Variants in MMP19 observed in about 807,000 individuals in gnomAD.
The protein encoded by MMP19 is matrix metallopeptidase 19.
A neutral mutation model predicts 46.6 loss-of-function variants in MMP19; 47 were observed. The observed-to-expected ratio is 1.01, with a 90% CI of 0.80 to 1.29. The LOEUF (loss-of-function observed/expected upper bound fraction) is 1.29. MMP19 is among the 50% of genes most tolerant of loss of function. MMP19 has a pLI of 0.00. For synonymous variants in MMP19, 222 were observed against 248.5 expected, an observed-to-expected ratio of 0.89 and a Z score of 1.00; for missense variants, 589 against 643.5, an observed-to-expected ratio of 0.92 and a Z score of 0.92.
In MMP19 at chr12:55,837,838, C is replaced by A; in HGVS notation, c.1060+5G>T. 1.2e-6 allele frequency: 2 copies of A among 1,601,498 alleles called. No homozygotes were observed. Among genetic ancestry groups the A allele is most frequent in the Non-Finnish European group, 1.7e-6 (2 of 1,170,314 alleles). On this transcript the variant is annotated splice_donor_5th_base_variant and intron_variant, in intron 7 of 8. Transcript: ENST00000322569. ...CAAGTAAGACACTGTAACTAGCCTC[C>A]TTACCCTTAAAGAAGTGAATCCATT...
intron 4 of MMP19, chr12:55,840,054 G>T: frequency 3.1e-6 from 1 of 318,036 alleles, no homozygotes; most frequent in South Asian, 5.0e-5. Flanking sequence ...AGCCAGGGGT[G>T]ATGGCTCACA....
rs761774905 is a variant in MMP19 at position 55,839,766 on chromosome 12, G to A, written c.521-25C>T. On this transcript the variant is annotated intron_variant, in intron 4 of 8. Coordinates refer to ENST00000322569, the MANE Select transcript of MMP19 (RefSeq NM_002429.6). ...CCTGGACAAAGGCAAAGGTGAACAGGAAGGAGGTCAGAGCCCGCTAGGCTA... is the reference window on the plus strand; with the variant it reads ...CCTGGACAAAGGCAAAGGTGAACAGAAAGGAGGTCAGAGCCCGCTAGGCTA... 9 of 1,597,554 alleles carry A rather than the reference G, an allele frequency of 5.6e-6. No homozygotes were observed. The Admixed American group carries it at 1.2e-4, about 22-fold the overall frequency.
At chr12:55,841,531 C>T (rs904863623) in intron 2 of MMP19, 4 of 261,926 alleles carry the variant, frequency 1.5e-5, no homozygotes, top group African/African-American at 6.6e-5. Context: ...TCCTTCCTTC[C>T]TTCCTTCCTT....
rs979414651 is a variant in MMP19, at chr12:55,835,973, T to G, written c.*1063A>C. ...TTGACCCACCTGCCAGAGTCTTGCC[T>G]TTTGCCCAAAGGAGCCTGGTCTTCA... On this transcript the variant is annotated 3_prime_UTR_variant, in exon 9 of 9. Coordinates refer to ENST00000322569, the MANE Select transcript of MMP19 (RefSeq NM_002429.6). 1 of 152,286 alleles carries G rather than the reference T, an allele frequency of 6.6e-6. No homozygotes were observed. Among genetic ancestry groups the G allele is most frequent in the African/African-American group, 2.4e-5 (1 of 41,452 alleles). 9.4% of individuals were successfully genotyped at this position (152,286 alleles called of 1,614,324 possible).
Position 55,837,178 on chromosome 12 carries a change from G to T in MMP19, c.1385C>A (p.Pro462His), listed in dbSNP as rs758697442. 1.2e-6 allele frequency: 2 copies of T among 1,614,180 alleles called. No individual in the cohort carries two copies. The highest frequency in any genetic ancestry group is 2.2e-5 in the South Asian group (2 of 91,090). ...CATCCAGTTGTGGGAAATATTTCTG[G>T]GATAGCCTTTCTCTACTCGAAGCTG... ...NQQLRVEKGY[P>H]RNISHNWMHC... The change falls in exon 9 of 9, where the codon CCC becomes CAC. Residue 462 changes from proline to histidine, a missense_variant. Transcript: ENST00000322569.
In MMP19 at chr12:55,836,232, G is replaced by A. The variant is rs927202909; in HGVS notation, c.*804C>T. On this transcript the variant is annotated 3_prime_UTR_variant, in exon 9 of 9. Transcript: ENST00000322569. ...AACATGGGAGCATGTGAATAAAATG[G>A]CATTAAATACTGAACCAGGGAGTCC... The A allele has an allele frequency of 6.6e-6, 1 of 152,188 alleles. No individual in the cohort carries two copies. Among genetic ancestry groups the A allele is most frequent in the Non-Finnish European group, 1.5e-5 (1 of 68,034 alleles). The allele number at this position is 152,188 out of a possible 1,614,324, so 9.4% of individuals were successfully genotyped here. A position where few individuals can be genotyped will look rare whatever the true frequency, so the allele number is the denominator to read the frequency against.
chr12:55,839,705 C>T lies in MMP19; in HGVS notation c.557G>A (p.Gly186Asp). Residue 186 changes from glycine to aspartate, a missense_variant, in exon 5 of 9, where the codon GGC (glycine) becomes GAC (aspartate). Gly to Asp is a moderately conservative substitution (Grantham distance 94). Coordinates refer to ENST00000322569, the MANE Select transcript of MMP19 (RefSeq NM_002429.6). ...CTCGTCTTCGTCGAAGTGCACACTG[C>T]CCAGCTCTGGGATGTCGGCATGGGC... is the stretch of plus-strand genomic sequence containing the variant. ...VLAHADIPEL[G>D]SVHFDEDEFW... 6.2e-7 allele frequency: 1 copy of T among 1,613,832 alleles called. No homozygotes were observed. The highest frequency in any genetic ancestry group is 8.5e-7 in the Non-Finnish European group (1 of 1,179,870).
chr12:55,840,474 G>A (rs921449739), intron 4 of MMP19, among the ~76,000 whole-genome samples, 193 bp downstream of exon 4: 2 of 151,364 alleles, frequency 1.3e-5, no homozygotes, highest in African/African-American at 2.4e-5. Context: ...GGGAGGGAGG[G>A]AGGAAGTTTC....
chr12:55,841,851 C>T (rs1881726227), intron 2 of MMP19, among the ~76,000 whole-genome samples: 1 of 152,122 alleles, frequency 6.6e-6, no homozygotes, highest in African/African-American at 2.4e-5. Context: ...AATGGATACC[C>T]GTCCCAGCCC....
chr12:55,840,602 C>A, intron 4 of MMP19, 65 bp downstream of exon 4: 1 of 1,493,220 alleles, frequency 6.7e-7, no homozygotes, highest in Non-Finnish European at 9.2e-7. Flanking sequence ...TCTAGAGTCA[C>A]TGGTTCAAGG....
In MMP19 at chr12:55,836,883, C is replaced by T. The variant is rs1881249397; in HGVS notation, c.*153G>A. On this transcript the variant is annotated 3_prime_UTR_variant, in exon 9 of 9. Coordinates refer to ENST00000322569, the MANE Select transcript of MMP19 (RefSeq NM_002429.6). Reference sequence around the variant, plus strand: ...GGAAGTGTTAGAGGCCTGAGATCTACGGTCTTGCGCCTGCTACAGCACCTG... The same window carrying T: ...GGAAGTGTTAGAGGCCTGAGATCTATGGTCTTGCGCCTGCTACAGCACCTG... 11 of 669,554 alleles carry T rather than the reference C, an allele frequency of 1.6e-5. No homozygotes were observed. Among genetic ancestry groups the T allele is most frequent in the East Asian group, 1.1e-4 (4 of 36,644 alleles). 41.5% of individuals were successfully genotyped at this position (669,554 alleles called of 1,614,324 possible). A position where few individuals can be genotyped will look rare whatever the true frequency, so the allele number is the denominator to read the frequency against.
At position 55,836,933 on chromosome 12, in the gene MMP19, A is replaced by G. The variant is rs1349541562; in HGVS notation, c.*103T>C. 10 of 1,090,698 alleles carry G rather than the reference A, an allele frequency of 9.2e-6. No homozygotes were observed. Among genetic ancestry groups the G allele is most frequent in the African/African-American group, 4.7e-5 (3 of 63,372 alleles). The allele number at this position is 1,090,698 out of a possible 1,614,324, so 67.6% of individuals were successfully genotyped here. ...GCAAGGTTCTACTGAGCAGACAGGT[A>G]TTTCATTCAGCTATTAGGCCTTAGG... is the stretch of plus-strand genomic sequence containing the variant. On this transcript the variant is annotated 3_prime_UTR_variant, in exon 9 of 9. Transcript: ENST00000322569.
intron 2 of MMP19, among the ~76,000 whole-genome samples, chr12:55,841,725 C>T (rs1881718345): frequency 1.3e-5 from 2 of 152,098 alleles, no homozygotes; most frequent in South Asian, 4.2e-4. Context: ...AGCCCCTCTA[C>T]TGCAATTTCT....
In MMP19 at chr12:55,836,758, G is replaced by C. The variant is rs1032593492; in HGVS notation, c.*278C>G. ...ACAGTTGGAAGGGCTGTCTAAGACA[G>C]ACAGGAAATGGAGTTGGGGGCCAAA... On this transcript the variant is annotated 3_prime_UTR_variant, in exon 9 of 9. Transcript: ENST00000322569. The C allele has an allele frequency of 3.3e-6, 1 of 305,650 alleles. No individual in the cohort carries two copies. Among genetic ancestry groups the C allele is most frequent in the African/African-American group, 2.2e-5 (1 of 46,344 alleles). 18.9% of individuals were successfully genotyped at this position (305,650 alleles called of 1,614,324 possible).
At chr12:55,839,783 G>A (rs769737762) in intron 4 of MMP19, 42 bp from the exon 5 acceptor site, 15 of 1,577,906 alleles carry the variant, frequency 9.5e-6, no homozygotes, top group East Asian at 2.3e-5. Context: ...GTCAGAGCCC[G>A]CTAGGCTAGA....
intron 5 of MMP19, among the ~76,000 whole-genome samples, chr12:55,839,165 C>T (rs370078596): frequency 9.9e-5 from 15 of 151,122 alleles, no homozygotes; most frequent in African/African-American, 3.6e-4. Context: ...TGGCTTGAAC[C>T]CGGGAGGCGG....
intron 2 of MMP19, among the ~76,000 whole-genome samples, chr12:55,841,662 C>T (rs997493541): frequency 6.6e-6 from 1 of 152,010 alleles, no homozygotes; most frequent in East Asian, 1.9e-4. Flanking sequence ...CAAGCAATCC[C>T]CCTGCCTGGA....
rs1192803366 is a variant in MMP19, at chr12:55,839,607, C to A, written c.655G>T (p.Gly219Trp). Residue 219 changes from glycine to tryptophan, a missense_variant, in exon 5 of 9, where the codon GGG becomes TGG. Gly to Trp is a radical substitution (Grantham distance 184, BLOSUM62 -2). Transcript: ENST00000322569. ...IAAHEVGHAL[G>W]LGHSRYSQAL... Reference sequence around the variant, plus strand: ...TGGGAATATCGGGAGTGCCCAAGCCCCAGAGCATGGCCCACTTCATGGGCT... The same window carrying A: ...TGGGAATATCGGGAGTGCCCAAGCCACAGAGCATGGCCCACTTCATGGGCT... 5 of 1,614,232 alleles carry A rather than the reference C, an allele frequency of 3.1e-6. No individual in the cohort carries two copies. Among genetic ancestry groups the A allele is most frequent in the Non-Finnish European group, 4.2e-6 (5 of 1,180,046 alleles).
rs201564697 is a variant in MMP19 at position 55,839,521 on chromosome 12, A to T, written c.741T>A (p.Asp247Glu). The T allele has an allele frequency of 2.7e-5, 44 of 1,611,432 alleles. No homozygotes were observed. The African/African-American group carries it at 5.3e-4, about 20-fold the overall frequency. ...YRPHFKLHPD[D>E]VAGIQALYGK... ...CATAGAGAGCCTGGATCCCTGCCAC[A>T]TCATCTGGGTGCAGCTTAAAGTGGG... The change falls in exon 5 of 9, where the codon GAT becomes GAA. Residue 247 changes from aspartate (D) to glutamate (E), a missense_variant. Coordinates refer to ENST00000322569, the MANE Select transcript of MMP19 (RefSeq NM_002429.6).
Sources: gnomAD v4.1 joint callset for allele counts (sites outside exome capture counted in the v4.1 genomes callset) on GRCh38, gnomAD v4.1.1 for gene constraint, MANE v1.5 for transcripts, NCBI Gene and HGNC (gene_info 2026-07-23, HGNC 2026-07-21) for gene names.